The following WDR72 variants were observed in gnomAD, a reference collection of about 807,000 sequenced individuals.
WDR72 encodes the protein WD repeat domain 72.
Under a neutral mutation model 124.2 loss-of-function variants are expected in WDR72, and 120 were observed. That is an observed-to-expected ratio of 0.97 (90% CI 0.83 to 1.12). The LOEUF (loss-of-function observed/expected upper bound fraction) is 1.12, where lower values mean the gene tolerates loss of function less well. Among genes scored for constraint, WDR72 ranks in the 50% most tolerant of loss-of-function variants. WDR72 has a pLI of 0.00. For missense variants in WDR72, 1,387 were observed against 1,278.8 expected, an observed-to-expected ratio of 1.08 and a Z score of -1.29; for synonymous variants, 452 against 441.7, an observed-to-expected ratio of 1.02 and a Z score of -0.29.
intron 14 of WDR72, among the ~76,000 whole-genome samples, chr15:53,652,969 T>G (rs1004960900): frequency 1.3e-5 from 2 of 152,232 alleles, no homozygotes; most frequent in African/African-American, 4.8e-5. Context: ...CAGTGGAGGC[T>G]GCTGCTGTGT....
chr15:53,709,446 A>G (rs1027596195), intron 9 of WDR72, among the ~76,000 whole-genome samples: 5 of 152,202 alleles, frequency 3.3e-5, no homozygotes, highest in African/African-American at 1.2e-4. Flanking sequence ...GAGATTAGTT[A>G]TTTTTTAATT....
chr15:53,718,965 G>C (rs951192878), intron 3 of WDR72, among the ~76,000 whole-genome samples: 1 of 152,008 alleles, frequency 6.6e-6, no homozygotes, highest in East Asian at 1.9e-4. Context: ...TCCTTGAAAA[G>C]GGGAATTTTT....
intron 5 of WDR72, 79 bp downstream of exon 5, chr15:53,715,114 C>G: frequency 2.0e-6 from 3 of 1,485,850 alleles, no homozygotes; most frequent in East Asian, 4.7e-5. Context: ...GAATTTCTGC[C>G]CAATAATTTG....
At chr15:53,656,352 A>C (rs753741836) in intron 14 of WDR72, among the ~76,000 whole-genome samples, 40 of 152,346 alleles carry the variant, frequency 2.6e-4, no homozygotes, top group Non-Finnish European at 5.4e-4. Flanking sequence ...ATGGGCAAGA[A>C]CGTTAGCTGG....
intron 11 of WDR72, among the ~76,000 whole-genome samples, chr15:53,703,476 C>G (rs144628593): frequency 4.0e-4 from 61 of 151,678 alleles, no homozygotes; most frequent in African/African-American, 1.3e-3. Context: ...GTCACCACAT[C>G]TAGTTGCCTT....
At chr15:53,700,835 T>G (rs891309490) in intron 12 of WDR72, among the ~76,000 whole-genome samples, 1 of 152,158 alleles carries the variant, frequency 6.6e-6, no homozygotes, top group Non-Finnish European at 1.5e-5. Context: ...ACGGATCATA[T>G]GTCATTTTTC....
chr15:53,584,567 TG>T (rs1471227772), intron 18 of WDR72, among the ~76,000 whole-genome samples: 7 of 152,170 alleles, frequency 4.6e-5, no homozygotes, highest in African/African-American at 1.4e-4. Flanking sequence ...AATAGATACT[TG>T]GACAAAATTT....
chr15:53,621,513 T>C (rs1318458808), intron 14 of WDR72, among the ~76,000 whole-genome samples: 1 of 150,156 alleles, frequency 6.7e-6, no homozygotes, highest in Admixed American at 6.7e-5. Flanking sequence ...GATTGGAGAC[T>C]ATTATTCTAA....
chr15:53,625,221 T>C (rs1484715593), intron 14 of WDR72, among the ~76,000 whole-genome samples: 1 of 152,242 alleles, frequency 6.6e-6, no homozygotes, highest in Non-Finnish European at 1.5e-5. Context: ...ATCCCATCTA[T>C]GCCACTGCAA....
chr15:53,575,719 C>G (rs751674482), intron 18 of WDR72, among the ~76,000 whole-genome samples: 13 of 152,084 alleles, frequency 8.5e-5, no homozygotes, highest in Admixed American at 1.3e-4. Context: ...TTTTGGGCTC[C>G]TCCTAGATTT....
chr15:53,699,892 G>A lies in WDR72; in HGVS notation c.1623C>T (p.Leu541=), dbSNP rs1425935458. The change falls in exon 13 of 20, where the codon CTC becomes CTT. Residue 541 remains leucine, a synonymous_variant. Transcript: ENST00000360509. ...CCVCGDHSVA[L]LHLEGKSCLL... ...GGCAACTCTTTCCCTCAAGGTGAAG[G>A]AGAGCCACGGAATGGTCACCGCACA... The A allele has an allele frequency of 1.9e-6, 3 of 1,614,052 alleles. No individual in the cohort carries two copies. Among genetic ancestry groups the A allele is most frequent in the South Asian group, 1.1e-5 (1 of 91,082 alleles).
intron 1 of WDR72, among the ~76,000 whole-genome samples, chr15:53,755,512 AAG>A (rs1253886906): frequency 6.6e-6 from 1 of 152,264 alleles, no homozygotes; most frequent in African/African-American, 2.4e-5. Flanking sequence ...ACATTTAAGA[AAG>A]AGAAGAAAAC....
intron 17 of WDR72, among the ~76,000 whole-genome samples, chr15:53,607,536 A>T (rs73408239): frequency 0.14 from 21,181 of 152,182 alleles, 2,302 homozygotes; most frequent in African/African-American, 0.3. Context: ...TTGAAGACTT[A>T]AATCTAAGCC....
intron 13 of WDR72, among the ~76,000 whole-genome samples, chr15:53,699,393 TGGTGAGCATGCTGAAGA>T (rs2017097631): frequency 6.6e-6 from 1 of 152,204 alleles, no homozygotes. Flanking sequence ...GTTGCTGAGA[TGGTGAGCATGCTGAAGA>T]AAGCAGAATT....
chr15:53,621,517 A>C (rs2013994088), intron 14 of WDR72, among the ~76,000 whole-genome samples: 1 of 150,204 alleles, frequency 6.7e-6, no homozygotes, highest in Non-Finnish European at 1.5e-5. Flanking sequence ...GGAGACTATT[A>C]TTCTAAGTGA....
intron 1 of WDR72, among the ~76,000 whole-genome samples, chr15:53,739,171 CAGAA>C (rs752460024): frequency 2.6e-5 from 4 of 151,716 alleles, no homozygotes; most frequent in Non-Finnish European, 5.9e-5. Flanking sequence ...AGATGAGAGA[CAGAA>C]GGAGAATGAA....
At chr15:53,540,316 C>G (rs76754843) in intron 18 of WDR72, among the ~76,000 whole-genome samples, 2,557 of 152,218 alleles carry the variant, frequency 0.017, 34 homozygotes, top group Middle Eastern at 0.037. Flanking sequence ...TACTTAAGTG[C>G]ACATGAAACA....
At chr15:53,695,875 C>T (rs74018717) in intron 13 of WDR72, among the ~76,000 whole-genome samples, 4,118 of 152,222 alleles carry the variant, frequency 0.027, 98 homozygotes, top group East Asian at 0.069. Context: ...ATAAAGTATT[C>T]GTGAAAAACG....
chr15:53,597,399 T>C (rs2012829760), intron 17 of WDR72, 125 bp from the exon 18 acceptor site: 1 of 912,540 alleles, frequency 1.1e-6, no homozygotes, highest in African/African-American at 1.7e-5. Context: ...CTTTTCATAC[T>C]TCTAGAATTA....
Sources: gnomAD v4.1 joint callset for allele counts (sites outside exome capture counted in the v4.1 genomes callset) on GRCh38, gnomAD v4.1.1 for gene constraint, MANE v1.5 for transcripts, NCBI Gene and HGNC (gene_info 2026-07-23, HGNC 2026-07-21) for gene names.